The following DENND2A variants were observed in gnomAD, a reference collection of about 807,000 sequenced individuals.
DENND2A encodes DENN domain containing 2A.
DENND2A carries 53 observed loss-of-function variants against 105.3 expected under a neutral mutation model. That is an observed-to-expected ratio of 0.50 (90% confidence interval 0.40 to 0.63). The LOEUF (loss-of-function observed/expected upper bound fraction) is 0.63, where lower values mean the gene tolerates loss of function less well. Ranked by LOEUF, DENND2A falls within the 30% of genes least tolerant of loss-of-function variation. DENND2A has a pLI of 0.00. For missense variants in DENND2A, 1,138 were observed against 1,279.6 expected (o/e 0.89, Z 1.69); for synonymous variants, 522 against 508.4 (o/e 1.03, Z -0.36).
intron 14 of DENND2A, among the ~76,000 whole-genome samples, chr7:140,530,404 T>C (rs1356516674): frequency 1.3e-5 from 2 of 152,234 alleles, no homozygotes; most frequent in Non-Finnish European, 2.9e-5. Flanking sequence ...CACTGTCTCT[T>C]AACCTTCCTG....
rs772883859 is a variant in DENND2A at position 140,555,687 on chromosome 7, A to G, written c.1986T>C (p.Pro662=). The G allele has an allele frequency of 6.2e-7, 1 of 1,608,374 alleles. No homozygotes were observed. Among genetic ancestry groups the G allele is most frequent in the South Asian group, 1.1e-5 (1 of 90,174 alleles). Residue 662 remains proline, a synonymous_variant, in exon 12 of 20, where the codon CCT becomes CCC. Coordinates refer to ENST00000496613, the MANE Select transcript of DENND2A (RefSeq NM_015689.5). ...GGCGGCTCACAATGCAGTAAACTTC[A>G]GGAAGGCGCTTCCCTTTGCCTCCAG... ...LLPGGKGKRL[P]EVYCIVSRLG...
At chr7:140,607,598 C>T (rs901159344) in intron 1 of DENND2A, among the ~76,000 whole-genome samples, 6 of 152,178 alleles carry the variant, frequency 3.9e-5, no homozygotes, top group African/African-American at 1.4e-4. Flanking sequence ...TGCAGGGTAG[C>T]CCTGAAAGGC....
In DENND2A at chr7:140,587,755, G is replaced by T. The variant is rs765835840; in HGVS notation, c.1021C>A (p.Leu341Met). The T allele has an allele frequency of 1.4e-5, 23 of 1,604,758 alleles. No homozygotes were observed. Among genetic ancestry groups the T allele is most frequent in the Non-Finnish European group, 1.9e-5 (22 of 1,173,254 alleles). Reference protein sequence around the residue: ...HRKSYEFEDLLQSSSESSRVD... With the variant: ...HRKSYEFEDLMQSSSESSRVD... Reference sequence around the variant, plus strand: ...CTGCTGCTCTCAGAGGAAGACTGCAGTAAATCTTCAAACTCATAGGACTTT... The same window carrying T: ...CTGCTGCTCTCAGAGGAAGACTGCATTAAATCTTCAAACTCATAGGACTTT... The change falls in exon 4 of 20, where the codon CTG becomes ATG. Residue 341 changes from leucine to methionine, a missense_variant. Physicochemically the swap from Leu to Met is conservative, Grantham distance 15 (BLOSUM62 2). Around this residue, in one of 2 missense-constraint regions of DENND2A, gnomAD observed 511 missense variants for 499.9 expected, o/e 1.02. Transcript: ENST00000496613.
At chr7:140,557,522 TATATA>T (rs1563139209) in intron 11 of DENND2A, among the ~76,000 whole-genome samples, 38 of 30,054 alleles carry the variant, frequency 1.3e-3, no homozygotes, top group Non-Finnish European at 2.3e-3. Flanking sequence ...TATATATATA[TATATA>T]TATATTTTTT....
chr7:140,546,772 G>T (rs760568096), intron 13 of DENND2A, 27 bp downstream of exon 13: 1 of 1,611,782 alleles, frequency 6.2e-7, no homozygotes, highest in South Asian at 1.1e-5. Context: ...GCCTCCCCAG[G>T]GAGAAGGAAG....
intron 14 of DENND2A, among the ~76,000 whole-genome samples, chr7:140,534,337 C>T (rs1796383840): frequency 6.6e-6 from 1 of 152,028 alleles, no homozygotes; most frequent in African/African-American, 2.4e-5. Flanking sequence ...CCCACCTTGG[C>T]CTCCCAAAGT....
At chr7:140,605,138 C>T (rs1204095940) in intron 2 of DENND2A, among the ~76,000 whole-genome samples, 1 of 152,178 alleles carries the variant, frequency 6.6e-6, no homozygotes, top group Admixed American at 6.5e-5. Flanking sequence ...TACGAGTCCC[C>T]AAGGACAGAG....
Position 140,602,161 on chromosome 7 carries a change from C to T in DENND2A, c.237G>A (p.Thr79=). The change falls in exon 3 of 20, where the codon ACG becomes ACA. Residue 79 remains threonine (T), a synonymous_variant. Coordinates refer to ENST00000496613, the MANE Select transcript of DENND2A (RefSeq NM_015689.5). The part of the protein sequence containing the change: ...DGQEDYLPSS[T]VERRSSDGVR... ...CCCCATCACTACTCCTCCTCTCCAC[C>T]GTAGAGGACGGCAGATAATCCTCCT... 8 of 1,614,170 alleles carry T rather than the reference C, an allele frequency of 5.0e-6. No individual in the cohort carries two copies. Among genetic ancestry groups the T allele is most frequent in the South Asian group, 2.2e-5 (2 of 91,070 alleles).
At chr7:140,552,514 G>A (rs1349793483) in intron 12 of DENND2A, among the ~76,000 whole-genome samples, 1 of 151,430 alleles carries the variant, frequency 6.6e-6, no homozygotes, top group Non-Finnish European at 1.5e-5. Flanking sequence ...CCACCGCTCA[G>A]CCTCCCAGGT....
chr7:140,585,476 C>A (rs139634965), intron 5 of DENND2A, 113 bp downstream of exon 5: 2 of 1,457,000 alleles, frequency 1.4e-6, no homozygotes, highest in African/African-American at 1.4e-5. Context: ...TCCAGGAGCC[C>A]GGCAGGGCAG....
chr7:140,529,943 T>TAAAAC (rs1022372800), intron 14 of DENND2A, among the ~76,000 whole-genome samples: 1 of 150,552 alleles, frequency 6.6e-6, no homozygotes, highest in Non-Finnish European at 1.5e-5. Context: ...AAAAGTATAA[T>TAAAAC]AAAACAAAAC....
In DENND2A at chr7:140,573,704, G is replaced by A. The variant is rs530388654; in HGVS notation, c.1446+104C>T. On this transcript the variant is annotated intron_variant, in intron 6 of 19. Transcript: ENST00000496613. ...CCCCTGGCCTGCAGCAACACAGGTG[G>A]GAGAGGGGCCAGTGATGTATTCTCC... 2.9e-5 allele frequency: 37 copies of A among 1,298,232 alleles called. No homozygotes were observed. In the East Asian group the frequency reaches 8.4e-4, roughly 29 times the overall value. The allele number at this position is 1,298,232 out of a possible 1,614,324, so 80.4% of individuals were successfully genotyped here.
intron 2 of DENND2A, 80 bp from the exon 3 acceptor site, chr7:140,602,622 T>C (rs1585736438): frequency 2.4e-6 from 1 of 408,950 alleles, no homozygotes; most frequent in Middle Eastern, 6.4e-4. Flanking sequence ...AACTTAGATA[T>C]AAATGTTATA....
At chr7:140,560,203 C>T (rs533243017) in intron 9 of DENND2A, among the ~76,000 whole-genome samples, 2 of 152,294 alleles carry the variant, frequency 1.3e-5, no homozygotes, top group East Asian at 1.9e-4. Context: ...CTGTCCCTTT[C>T]GAACTCCAGG....
In DENND2A at chr7:140,546,757, C is replaced by A. The variant is rs1211080414; in HGVS notation, c.2178+42G>T. ...GAGCACGGAGACTCGGCTGTCTGGGCCACTGCCTCCCCAGGGAGAAGGAAG... is the reference window on the plus strand; with the variant it reads ...GAGCACGGAGACTCGGCTGTCTGGGACACTGCCTCCCCAGGGAGAAGGAAG... On this transcript the variant is annotated intron_variant, in intron 13 of 19. Coordinates refer to ENST00000496613, the MANE Select transcript of DENND2A (RefSeq NM_015689.5). The A allele has an allele frequency of 3.1e-6, 5 of 1,608,226 alleles. No homozygotes were observed. The Admixed American group carries it at 8.4e-5, about 27-fold the overall frequency.
In DENND2A at chr7:140,611,843, G is replaced by C. The variant is rs139308183; in HGVS notation, c.-247-6037C>G. On this transcript the variant is annotated intron_variant, in intron 1 of 19. Coordinates refer to ENST00000496613, the MANE Select transcript of DENND2A (RefSeq NM_015689.5). ...AATTGTTCCTCGTTGCTATTAATAGGTGAGGGTTTCTTTGGAATGATAGAA... is the reference window on the plus strand; with the variant it reads ...AATTGTTCCTCGTTGCTATTAATAGCTGAGGGTTTCTTTGGAATGATAGAA... Among the ~76,000 whole-genome samples the C allele has an allele frequency of 1.7e-3, 254 of 152,320 alleles. 3 individuals carry two copies. The highest frequency in any genetic ancestry group is 0.011 in the Admixed American group (175 of 15,292).
At chr7:140,556,362 G>A (rs935754936) in intron 11 of DENND2A, among the ~76,000 whole-genome samples, 5 of 151,710 alleles carry the variant, frequency 3.3e-5, no homozygotes, top group African/African-American at 4.8e-5. Flanking sequence ...TTTTGGAGAC[G>A]GAGTCTTGCT....
intron 3 of DENND2A, among the ~76,000 whole-genome samples, chr7:140,591,237 C>T (rs868374014): frequency 1.3e-5 from 2 of 152,260 alleles, no homozygotes; most frequent in Admixed American, 6.5e-5. Context: ...TCGGAGGATG[C>T]AGTGAGCCAA....
chr7:140,603,763 T>C (rs759233435), intron 2 of DENND2A, among the ~76,000 whole-genome samples: 46 of 152,202 alleles, frequency 3.0e-4, no homozygotes, highest in Non-Finnish European at 5.9e-4. Context: ...TATTTAACCT[T>C]AAATCCAATG....
Sources: allele counts gnomAD v4.1 joint callset (sites outside exome capture counted in the v4.1 genomes callset), GRCh38; gene constraint gnomAD v4.1.1; regional missense constraint gnomAD v4.1.1; transcripts MANE v1.5; gene names NCBI Gene and HGNC (gene_info 2026-07-23, HGNC 2026-07-21).